The following HOXB3 variants were observed in gnomAD, a reference collection of about 807,000 sequenced individuals.
HOXB3 encodes the protein homeobox protein Hox-B3.
A neutral mutation model predicts 29.2 loss-of-function variants in HOXB3; 17 were observed. The observed-to-expected ratio is 0.58, with a 90% confidence interval of 0.40 to 0.87. The LOEUF (loss-of-function observed/expected upper bound fraction) is 0.87. Among genes scored for constraint, HOXB3 ranks in the 40% least tolerant of loss-of-function variants. HOXB3 has a pLI of 0.00. For missense variants in HOXB3, 637 were observed against 616.3 expected (o/e 1.03, Z -0.35); for synonymous variants, 317 against 285.9 (o/e 1.11, Z -1.10).
intron 2 of HOXB3, among the ~76,000 whole-genome samples, chr17:48,570,364 C>T (rs916475573): frequency 3.9e-5 from 6 of 152,094 alleles, no homozygotes; most frequent in Admixed American, 3.3e-4. Context: ...AGTTCTCGGC[C>T]GGGGCATGGG....
intron 2 of HOXB3, among the ~76,000 whole-genome samples, chr17:48,558,916 ATGTGTGTAGGGTGTG>A (rs2069095597): frequency 6.6e-6 from 1 of 151,606 alleles, no homozygotes; most frequent in African/African-American, 2.4e-5. Context: ...GTGTGTGCCC[ATGTGTGTAGGGTGTG>A]TGTGTGTGTG....
intron 3 of HOXB3, 163 bp downstream of exon 3, chr17:48,555,368 G>GAT (rs1491174175): frequency 2.2e-5 from 2 of 90,396 alleles, no homozygotes; most frequent in Non-Finnish European, 5.9e-5. Flanking sequence ...GAGAGAGGGA[G>GAT]GGAGGGAGGG....
chr17:48,556,140 A>C (rs1597820695), intron 2 of HOXB3, among the ~76,000 whole-genome samples: 1 of 105,894 alleles, frequency 9.4e-6, no homozygotes, highest in East Asian at 2.8e-4. Flanking sequence ...GAAAAGAAGG[A>C]GGGTTTTTTT....
intron 1 of HOXB3, among the ~76,000 whole-genome samples, chr17:48,589,204 AAG>A (rs1045322415): frequency 6.6e-6 from 1 of 152,174 alleles, no homozygotes; most frequent in Non-Finnish European, 1.5e-5. Flanking sequence ...AAGAGGGAAA[AAG>A]AGAGGAAAAA....
intron 2 of HOXB3, among the ~76,000 whole-genome samples, chr17:48,573,467 A>G (rs1219048376): frequency 6.6e-6 from 1 of 152,080 alleles, no homozygotes; most frequent in Non-Finnish European, 1.5e-5. Flanking sequence ...CCACATGTGG[A>G]CCTCACTAGA....
rs2069660255 is a variant in HOXB3 at position 48,573,694 on chromosome 17, C to T, written c.-247+143G>A. ...ATCAGTCATCATAAAAGGGAGCAAA[C>T]CTGCTGAAGCATCCACCATAAAAAC... On this transcript the variant is annotated intron_variant, in intron 2 of 4. Coordinates refer to ENST00000498678, the MANE Select transcript of HOXB3 (RefSeq NM_001384749.1). 3 of 613,146 alleles carry T rather than the reference C, an allele frequency of 4.9e-6. No homozygotes were observed. The African/African-American group carries it at 5.6e-5, about 11-fold the overall frequency. 38.0% of individuals were successfully genotyped at this position (613,146 alleles called of 1,614,324 possible).
intron 1 of HOXB3, chr17:48,580,176 C>T: frequency 3.7e-6 from 1 of 266,988 alleles, no homozygotes. Flanking sequence ...CCGCCGCCGC[C>T]GCGCAACTCT....
At chr17:48,578,418 C>G (rs865802713) in intron 1 of HOXB3, 19 of 1,441,360 alleles carry the variant, frequency 1.3e-5, no homozygotes, top group Non-Finnish European at 1.7e-5. Flanking sequence ...GTCAAGTGAA[C>G]AAAGTTAGGC....
intron 2 of HOXB3, among the ~76,000 whole-genome samples, chr17:48,570,069 G>A (rs2069533911): frequency 6.6e-6 from 1 of 152,142 alleles, no homozygotes. Context: ...GAACAGGAGA[G>A]GAGGGAAAAG....
chr17:48,577,786 C>T lies in HOXB3; in HGVS notation c.-424-3772G>A, dbSNP rs531321233. On this transcript the variant is annotated intron_variant, in intron 1 of 4. Coordinates refer to ENST00000498678, the MANE Select transcript of HOXB3 (RefSeq NM_001384749.1). Reference sequence around the variant, plus strand: ...AATTGGCTTCCCCAGCTCAACCCCCCCCCAACCCATGCCTCCGAAGTCCCT... The same window carrying T: ...AATTGGCTTCCCCAGCTCAACCCCCTCCCAACCCATGCCTCCGAAGTCCCT... 4,489 of 1,262,416 alleles carry T rather than the reference C, an allele frequency of 3.6e-3. 12 individuals carry two copies. The highest frequency in any genetic ancestry group is 4.2e-3 in the Non-Finnish European group (4,180 of 989,362). 78.2% of individuals were successfully genotyped at this position (1,262,416 alleles called of 1,614,324 possible). A position where few individuals can be genotyped will look rare whatever the true frequency, so the allele number is the denominator to read the frequency against.
chr17:48,584,239 G>A (rs2070003750), intron 1 of HOXB3, among the ~76,000 whole-genome samples: 1 of 152,218 alleles, frequency 6.6e-6, no homozygotes, highest in African/African-American at 2.4e-5. Flanking sequence ...CATCCAAATA[G>A]GAAGAGAAGG....
chr17:48,563,536 CTGCAA>C (rs1311610169), intron 2 of HOXB3, among the ~76,000 whole-genome samples: 1 of 152,208 alleles, frequency 6.6e-6, no homozygotes, highest in Admixed American at 6.5e-5. Context: ...CACTGTGCGC[CTGCAA>C]AGGGACAGTT....
At chr17:48,589,027 G>A (rs193001880) in intron 1 of HOXB3, among the ~76,000 whole-genome samples, 1 of 150,042 alleles carries the variant, frequency 6.7e-6, no homozygotes, top group East Asian at 1.9e-4. Context: ...TTAGCCCCAC[G>A]GGTGTTAAAT....
Position 48,555,618 on chromosome 17 carries a change from C to A in HOXB3, c.-246G>T. 1.4e-6 allele frequency: 1 copy of A among 702,742 alleles called. No individual in the cohort carries two copies. 43.5% of individuals were successfully genotyped at this position (702,742 alleles called of 1,614,324 possible). On this transcript the variant is annotated splice_region_variant and 5_prime_UTR_variant, in exon 3 of 5. An upstream open reading frame in the 5' UTR gains an earlier in-frame stop. Coordinates refer to ENST00000498678, the MANE Select transcript of HOXB3 (RefSeq NM_001384749.1). ...GAGCGGCAGGCGACAAATCTCCCCT[C>A]CTTGAAGGCAAAGGAAAAAAAGACC...
intron 2 of HOXB3, among the ~76,000 whole-genome samples, chr17:48,558,520 G>A (rs557216030): frequency 2.3e-4 from 35 of 152,188 alleles, no homozygotes; most frequent in Non-Finnish European, 4.4e-4. Context: ...TTAGATCCCA[G>A]TTTAGTTTCT....
At chr17:48,566,537 G>T (rs546167268) in intron 2 of HOXB3, among the ~76,000 whole-genome samples, 1 of 152,074 alleles carries the variant, frequency 6.6e-6, no homozygotes, top group Non-Finnish European at 1.5e-5. Flanking sequence ...AGCAGGAGGG[G>T]AGATGGAAAA....
intron 1 of HOXB3, among the ~76,000 whole-genome samples, chr17:48,586,366 G>C (rs1327223178): frequency 6.6e-6 from 1 of 152,204 alleles, no homozygotes; most frequent in Non-Finnish European, 1.5e-5. Flanking sequence ...CCTGCAATCA[G>C]TAAATTCGCC....
chr17:48,580,014 G>A (rs1420764751), intron 1 of HOXB3: 1 of 458,130 alleles, frequency 2.2e-6, no homozygotes, highest in Non-Finnish European at 4.4e-6. Flanking sequence ...TGTGGTTTGA[G>A]TGCTTTGGTT....
intron 1 of HOXB3, among the ~76,000 whole-genome samples, chr17:48,589,766 T>G (rs1288273470): frequency 6.6e-6 from 1 of 152,156 alleles, no homozygotes; most frequent in Non-Finnish European, 1.5e-5. Flanking sequence ...GATAGTTGTC[T>G]GAAGATATCC....
Sources: allele counts gnomAD v4.1 joint callset (sites outside exome capture counted in the v4.1 genomes callset), GRCh38; gene constraint gnomAD v4.1.1; transcripts MANE v1.5; gene names NCBI Gene and HGNC (gene_info 2026-07-23, HGNC 2026-07-21).